The following TMEM80 variants were observed in gnomAD, a reference collection of about 807,000 sequenced individuals.
TMEM80 encodes the protein transmembrane protein 80.
Under a neutral mutation model 13.6 loss-of-function variants are expected in TMEM80, and 16 were observed. The observed-to-expected ratio is 1.17, with a 90% CI of 0.79 to 1.78. The LOEUF (loss-of-function observed/expected upper bound fraction) is 1.78. Among genes scored for constraint, TMEM80 ranks in the 40% most tolerant of loss-of-function variants. TMEM80 has a pLI of 0.00. For missense variants in TMEM80, 167 were observed against 184.6 expected (o/e 0.90, Z 0.55); for synonymous variants, 92 against 89.5 (o/e 1.03, Z -0.16).
intron 1 of TMEM80, among the ~76,000 whole-genome samples, chr11:697,025 G>C (rs1418378891): frequency 1.5e-5 from 2 of 134,808 alleles, no homozygotes; most frequent in African/African-American, 5.3e-5. Flanking sequence ...TGGGGGGGGT[G>C]GGGTGCGGAG....
At chr11:698,956 C>T in intron 2 of TMEM80, 68 bp downstream of exon 2, 8 of 1,588,756 alleles carry the variant, frequency 5.0e-6, no homozygotes, top group South Asian at 4.4e-5. Flanking sequence ...AGAGAGCACT[C>T]GGCCTCACCC....
At position 703,017 on chromosome 11, in the gene TMEM80, T is replaced by C; in HGVS notation, c.299T>C (p.Leu100Pro). 1 of 1,612,496 alleles carries C rather than the reference T, an allele frequency of 6.2e-7. No homozygotes were observed. ...CTGGCCCTCACGGCTGGCACCGCCC[T>C]CCTCTCTGCCCACTTCCTGCTTTGG... ...ASLALTAGTA[L>P]LSAHFLLWQA... The change falls in exon 5 of 5, where the codon CTC (leucine) becomes CCC (proline). Residue 100 changes from leucine (L) to proline (P), a missense_variant. Coordinates refer to ENST00000397510, the MANE Select transcript of TMEM80 (RefSeq NM_001042463.3).
At chr11:699,778 A>C (rs1861359824) in intron 2 of TMEM80, 1 of 196,022 alleles carries the variant, frequency 5.1e-6, no homozygotes, top group Non-Finnish European at 1.0e-5. Context: ...TGACAAAGTT[A>C]TTTTTTCTCT....
intron 4 of TMEM80, among the ~76,000 whole-genome samples, chr11:701,435 G>C (rs1421687395): frequency 2.8e-5 from 3 of 108,240 alleles, no homozygotes; most frequent in South Asian, 3.3e-4. Flanking sequence ...TTTTGAGACA[G>C]AGTCTCGCTC....
At chr11:698,520 G>C (rs1379714216) in intron 1 of TMEM80, among the ~76,000 whole-genome samples, 1 of 152,208 alleles carries the variant, frequency 6.6e-6, no homozygotes, top group Non-Finnish European at 1.5e-5. Flanking sequence ...AGAAGCCACA[G>C]ACGGTGAGCC....
At position 704,056 on chromosome 11, in the gene TMEM80, A is replaced by G. The variant is rs945544756; in HGVS notation, c.*906A>G. 8.7e-7 allele frequency: 1 copy of G among 1,152,402 alleles called. No individual in the cohort carries two copies. The highest frequency in any genetic ancestry group is 3.6e-4 in the Middle Eastern group (1 of 2,744). The allele number at this position is 1,152,402 out of a possible 1,614,324, so 71.4% of individuals were successfully genotyped here. A position where few individuals can be genotyped will look rare whatever the true frequency, so the allele number is the denominator to read the frequency against. ...ATTGTGTGTTTTCTATGTTTGGAAT[A>G]ATTACACCCAAATATCTAGATATTT... On this transcript the variant is annotated 3_prime_UTR_variant, in exon 5 of 5. Transcript: ENST00000397510.
At chr11:701,141 C>T (rs1033504151) in intron 4 of TMEM80, 4 of 204,864 alleles carry the variant, frequency 2.0e-5, no homozygotes, top group South Asian at 1.6e-4. Context: ...CCAGCCTCCC[C>T]ACTCCAGCTC....
chr11:704,159 C>G, downstream of TMEM80: 1 of 1,100,290 alleles, frequency 9.1e-7, no homozygotes, highest in South Asian at 2.0e-5. Flanking sequence ...CTCCCCCACC[C>G]CATCTCCAGT....
downstream of TMEM80, chr11:704,888 T>C (rs1446998466): frequency 1.1e-5 from 4 of 356,228 alleles, no homozygotes; most frequent in African/African-American, 4.3e-5. Context: ...CACTCCCAGC[T>C]CTGCCTCCAG....
rs182772225 is a variant in TMEM80 at position 698,814 on chromosome 11, C to T, written c.20-55C>T. 471 of 1,610,906 alleles carry T rather than the reference C, an allele frequency of 2.9e-4. 2 individuals are homozygous for T. The East Asian group carries it at 8.7e-3, about 30-fold the overall frequency. Reference sequence around the variant, plus strand: ...GTTCCTGTCAGTGTGGAGCGAGACCCGGGAAAGCATCCTGGTGGCTGTCAG... The same window carrying T: ...GTTCCTGTCAGTGTGGAGCGAGACCTGGGAAAGCATCCTGGTGGCTGTCAG... On this transcript the variant is annotated intron_variant, in intron 1 of 4. Transcript: ENST00000397510.
At chr11:704,190 C>T, downstream of TMEM80, 1 of 1,047,058 alleles carries the variant, frequency 9.6e-7, no homozygotes, top group Non-Finnish European at 1.2e-6. Flanking sequence ...TGCAAGAGAG[C>T]ACACCCCACT....
intron 4 of TMEM80, among the ~76,000 whole-genome samples, chr11:701,406 CTTTTTTTTTTT>C (rs71022955): frequency 1.5e-5 from 1 of 64,900 alleles, no homozygotes; most frequent in East Asian, 5.7e-4. Context: ...GACAAGGTTT[CTTTTTTTTTTT>C]TTTTTTTTTT....
intron 1 of TMEM80, among the ~76,000 whole-genome samples, chr11:696,702 G>T (rs964442806): frequency 1.3e-5 from 1 of 75,718 alleles, no homozygotes; most frequent in Non-Finnish European, 2.9e-5. Context: ...GGAGGTCGAG[G>T]TTGCAGTGAG....
At chr11:695,674 T>G, upstream of TMEM80, 3 of 1,243,708 alleles carry the variant, frequency 2.4e-6, no homozygotes, top group South Asian at 7.9e-5. Flanking sequence ...CCGGACGGAC[T>G]AATCGGGCCT....
At position 703,546 on chromosome 11, in the gene TMEM80, C is replaced by G. The variant is rs144509884; in HGVS notation, c.*396C>G. ...CATCTCACTGCATCCCCCATCACCC[C>G]CTAGTTCCCCAATGGTCCTAATTTG... is the stretch of plus-strand genomic sequence containing the variant. On this transcript the variant is annotated 3_prime_UTR_variant, in exon 5 of 5. Coordinates refer to ENST00000397510, the MANE Select transcript of TMEM80 (RefSeq NM_001042463.3). The G allele has an allele frequency of 1.7e-3, 2,120 of 1,234,298 alleles. 3 individuals carry two copies. Among genetic ancestry groups the G allele is most frequent in the Non-Finnish European group, 1.8e-3 (1,830 of 989,746 alleles). The allele number at this position is 1,234,298 out of a possible 1,614,324, so 76.5% of individuals were successfully genotyped here. A position where few individuals can be genotyped will look rare whatever the true frequency, so the allele number is the denominator to read the frequency against.
At chr11:697,533 A>C (rs1282915672) in intron 1 of TMEM80, 2 of 152,224 alleles carry the variant, frequency 1.3e-5, no homozygotes, top group Admixed American at 6.5e-5. Context: ...ACATCACTTA[A>C]GGCTTTTATA....
Position 700,727 on chromosome 11 carries a change from C to T in TMEM80, c.226+20C>T, listed in dbSNP as rs552755117. 42 of 1,584,502 alleles carry T rather than the reference C, an allele frequency of 2.7e-5. No homozygotes were observed. The highest frequency in any genetic ancestry group is 1.1e-4 in the East Asian group (5 of 44,738). On this transcript the variant is annotated intron_variant, in intron 4 of 4. Transcript: ENST00000397510. The stretch of plus-strand genomic sequence containing the variant: ...ACCTGGGTGAGTGGACTGTTAACAC[C>T]GTGAAGAACCTGTCCTAAGAGTTGC...
chr11:700,661 T>C lies in TMEM80; in HGVS notation c.180T>C (p.Ala60=), dbSNP rs1459968531. 6.2e-7 allele frequency: 1 copy of C among 1,614,188 alleles called. No individual in the cohort carries two copies. The highest frequency in any genetic ancestry group is 1.7e-5 in the Admixed American group (1 of 60,018). ...ACCGCTACCTGGTCCTCGATCTTGC[T>C]CTGCTGTTTCTGATGGGGATTCTAG... is the stretch of plus-strand genomic sequence containing the variant. ...YPHRYLVLDL[A]LLFLMGILEA... The change falls in exon 4 of 5, where the codon GCT becomes GCC. Residue 60 remains alanine (A), a synonymous_variant. Coordinates refer to ENST00000397510, the MANE Select transcript of TMEM80 (RefSeq NM_001042463.3).
At chr11:704,987 C>G (rs1055779334), downstream of TMEM80, 3 of 269,356 alleles carry the variant, frequency 1.1e-5, no homozygotes, top group African/African-American at 2.2e-5. Context: ...AGCAGGATCA[C>G]GGCAGGTTCC....
Sources: allele counts gnomAD v4.1 joint callset (sites outside exome capture counted in the v4.1 genomes callset), GRCh38; gene constraint gnomAD v4.1.1; transcripts MANE v1.5; gene names NCBI Gene and HGNC (gene_info 2026-07-23, HGNC 2026-07-21).